Variants in GPRIN1 observed in about 807,000 individuals in gnomAD.
GPRIN1 encodes G protein-regulated inducer of neurite outgrowth 1.
In GPRIN1, 4 loss-of-function variants were observed where a neutral mutation model predicts 2.8. The observed-to-expected ratio is 1.45, with a 90% CI of 0.71 to 3.32. The LOEUF is 3.32. GPRIN1 is among the 30% of genes most tolerant of loss of function. The probability of loss-of-function intolerance (pLI) is 0.01; values close to 1 mark genes in which losing one functional copy is unlikely to be tolerated. For missense variants in GPRIN1, 1,322 were observed against 1,343.4 expected (o/e 0.98, Z 0.25); for synonymous variants, 589 against 589.9 (o/e 1.00, Z 0.02).
Position 176,598,103 on chromosome 5 carries a change from T to C in GPRIN1, c.1732A>G (p.Thr578Ala), listed in dbSNP as rs754977222. The C allele has an allele frequency of 6.2e-7, 1 of 1,613,220 alleles. No individual in the cohort carries two copies. Residue 578 changes from threonine to alanine, a missense_variant, in exon 2 of 2, where the codon ACT becomes GCT. By Grantham distance (58) the Thr-to-Ala change is moderately conservative. Around this residue, in one of 3 missense-constraint regions of GPRIN1, gnomAD observed 1,117 missense variants for 1,128.6 expected, o/e 0.99. Transcript: ENST00000303991. The part of the protein sequence containing the change: ...DSVSIGKVVS[T>A]PGKTVPVPSG... Reference sequence around the variant, plus strand: ...GGCACCGGGACTGTTTTTCCTGGAGTTGAGACCACTTTACCTATAGACACA... The same window carrying C: ...GGCACCGGGACTGTTTTTCCTGGAGCTGAGACCACTTTACCTATAGACACA...
rs1759040068 is a variant in GPRIN1, at chr5:176,596,732, G to T, written c.*76C>A. On this transcript the variant is annotated 3_prime_UTR_variant, in exon 2 of 2. Transcript: ENST00000303991. This position sits in a 1 kb window ranked among gnomAD's most constrained non-coding sequence, Gnocchi z 5.2. Reference sequence around the variant, plus strand: ...TCGGAGGCCTGTGGCACGCAGAGGGGACCCCTTCTAGGGGCCTGTGATCAA... The same window carrying T: ...TCGGAGGCCTGTGGCACGCAGAGGGTACCCCTTCTAGGGGCCTGTGATCAA... The T allele has an allele frequency of 8.8e-6, 11 of 1,247,976 alleles. No individual in the cohort carries two copies. In the East Asian group the frequency reaches 3.5e-4, roughly 40 times the overall value. The allele number at this position is 1,247,976 out of a possible 1,614,324, so 77.3% of individuals were successfully genotyped here. A position where few individuals can be genotyped will look rare whatever the true frequency, so the allele number is the denominator to read the frequency against.
rs371999271 is a variant in GPRIN1, at chr5:176,597,513, C to T, written c.2322G>A (p.Glu774=). 2.8e-5 allele frequency: 41 copies of T among 1,475,830 alleles called. No individual in the cohort carries two copies. The highest frequency in any genetic ancestry group is 3.3e-5 in the Non-Finnish European group (37 of 1,112,170). 91.4% of individuals were successfully genotyped at this position (1,475,830 alleles called of 1,614,324 possible). A position where few individuals can be genotyped will look rare whatever the true frequency, so the allele number is the denominator to read the frequency against. ...GQKDLEAAGA[E]RSPCPEAAAP... is the part of the protein sequence containing the mutation. ...CTGCGGCCTCTGGGCAGGGGCTTCT[C>T]TCGGCCCCAGCGGCTTCCAGGTCTT... The change falls in exon 2 of 2, where the codon GAG becomes GAA. Residue 774 remains glutamate, a synonymous_variant. Transcript: ENST00000303991. This position sits in a 1 kb window ranked among gnomAD's most constrained non-coding sequence, Gnocchi z 6.1.
intron 1 of GPRIN1, among the ~76,000 whole-genome samples, chr5:176,607,760 A>C (rs971939011): frequency 1.2e-4 from 18 of 147,820 alleles, no homozygotes; most frequent in African/African-American, 4.7e-4. Context: ...AGGGCACACA[A>C]CTGGGGCACA....
At chr5:176,605,373 C>T (rs1043193309) in intron 1 of GPRIN1, among the ~76,000 whole-genome samples, 19 of 152,230 alleles carry the variant, frequency 1.2e-4, no homozygotes, top group African/African-American at 4.3e-4. Flanking sequence ...CGATTACAGG[C>T]ATGGTCCACC....
Position 176,599,637 on chromosome 5 carries a change from G to A in GPRIN1, c.198C>T (p.Gly66=). ...PPRHTPDQSP[G]MESRHRSPSG... Reference sequence around the variant, plus strand: ...TGGGGCTTCTGTGTCTAGACTCCATGCCTGGGCTTTGGTCAGGGGTGTGCC... The same window carrying A: ...TGGGGCTTCTGTGTCTAGACTCCATACCTGGGCTTTGGTCAGGGGTGTGCC... The change falls in exon 2 of 2, where the codon GGC becomes GGT. Residue 66 remains glycine (G), a synonymous_variant. Transcript: ENST00000303991. 6.5e-7 allele frequency: 1 copy of A among 1,542,480 alleles called. No individual in the cohort carries two copies. The highest frequency in any genetic ancestry group is 8.7e-7 in the Non-Finnish European group (1 of 1,147,064).
At position 176,597,546 on chromosome 5, in the gene GPRIN1, G is replaced by A. The variant is rs773867925; in HGVS notation, c.2289C>T (p.Leu763=). 6.5e-7 allele frequency: 1 copy of A among 1,546,894 alleles called. No homozygotes were observed. The highest frequency in any genetic ancestry group is 8.7e-7 in the Non-Finnish European group (1 of 1,150,426). ...EPVSSTEASS[L]GQKDLEAAGA... ...CAGCGGCTTCCAGGTCTTTCTGGCC[G>A]AGACTGGAGGCCTCGGTGCTGGACA... Residue 763 remains leucine (L), a synonymous_variant, in exon 2 of 2, where the codon CTC becomes CTT. Coordinates refer to ENST00000303991, the MANE Select transcript of GPRIN1 (RefSeq NM_052899.3). The surrounding 1 kb of genome is among the most constrained non-coding windows in gnomAD (Gnocchi z 6.1).
At position 176,598,209 on chromosome 5, in the gene GPRIN1, C is replaced by A; in HGVS notation, c.1626G>T (p.Lys542Asn). ...SGKAAPTASG[K>N]AEPLAVGKED... ...CCTTGCCCACCGCGAGGGGCTCGGC[C>A]TTCCCTGAGGCTGTGGGAGCCGCCT... The change falls in exon 2 of 2, where the codon AAG (lysine) becomes AAT (asparagine). Residue 542 changes from lysine to asparagine, a missense_variant. Lys to Asn is a moderately conservative substitution (Grantham distance 94). This residue lies in a region of GPRIN1 where 1,117 missense variants were observed against 1,128.6 expected (regional missense o/e 0.99). Coordinates refer to ENST00000303991, the MANE Select transcript of GPRIN1 (RefSeq NM_052899.3). 2 of 1,612,714 alleles carry A rather than the reference C, an allele frequency of 1.2e-6. No individual in the cohort carries two copies. The highest frequency in any genetic ancestry group is 1.7e-6 in the Non-Finnish European group (2 of 1,180,002).
In GPRIN1 at chr5:176,599,317, G is replaced by A. The variant is rs1395575524; in HGVS notation, c.518C>T (p.Ser173Phe). The change falls in exon 2 of 2, where the codon TCC becomes TTC. Residue 173 changes from serine to phenylalanine, a missense_variant. Coordinates refer to ENST00000303991, the MANE Select transcript of GPRIN1 (RefSeq NM_052899.3). ...AAACATGGGATCTGCCTTCCGTGAGGACCCAGGATCCTCCTTTCCTATGGA... is the reference window on the plus strand; with the variant it reads ...AAACATGGGATCTGCCTTCCGTGAGAACCCAGGATCCTCCTTTCCTATGGA... ...STSIGKEDPGSSRKADPMFTG... is the reference protein window; with the variant it reads ...STSIGKEDPGFSRKADPMFTG... 3.1e-6 allele frequency: 5 copies of A among 1,614,082 alleles called. No individual in the cohort carries two copies. Among genetic ancestry groups the A allele is most frequent in the East Asian group, 2.2e-5 (1 of 44,898 alleles).
chr5:176,607,230 G>A (rs950331001), intron 1 of GPRIN1, among the ~76,000 whole-genome samples: 9 of 152,210 alleles, frequency 5.9e-5, no homozygotes, highest in Non-Finnish European at 8.8e-5. Context: ...TCTTGGGGAG[G>A]CCTGAGGATC....
chr5:176,610,104 G>C lies in GPRIN1; in HGVS notation c.-149C>G, dbSNP rs1003634847. The C allele has an allele frequency of 2.0e-5, 3 of 150,018 alleles. No homozygotes were observed. Among genetic ancestry groups the C allele is most frequent in the African/African-American group, 7.3e-5 (3 of 40,956 alleles). 9.3% of individuals were successfully genotyped at this position (150,018 alleles called of 1,614,324 possible). A position where few individuals can be genotyped will look rare whatever the true frequency, so the allele number is the denominator to read the frequency against. On this transcript the variant is annotated 5_prime_UTR_variant, in exon 1 of 2. Transcript: ENST00000303991. The stretch of plus-strand genomic sequence containing the variant: ...CGGCTGCCTCCGGCCGGGCTGGCGG[G>C]AGGACCCGCAGACTCGGCGCCGCCG...
chr5:176,597,215 C>T lies in GPRIN1; in HGVS notation c.2620G>A (p.Gly874Arg). 1 of 1,279,528 alleles carries T rather than the reference C, an allele frequency of 7.8e-7. No homozygotes were observed. The highest frequency in any genetic ancestry group is 3.1e-5 in the East Asian group (1 of 32,098). 79.3% of individuals were successfully genotyped at this position (1,279,528 alleles called of 1,614,324 possible). The change falls in exon 2 of 2, where the codon GGG becomes AGG. Residue 874 changes from glycine to arginine, a missense_variant. Coordinates refer to ENST00000303991, the MANE Select transcript of GPRIN1 (RefSeq NM_052899.3). The surrounding 1 kb of genome is among the most constrained non-coding windows in gnomAD (Gnocchi z 6.1). ...GCGGCGGCTTGAGGTGTCATGGGCC[C>T]AGTGGCCACGGAGCGCGTCTCGGCG... ...GAAETRSVATGPMTPQAAAPP... is the reference protein window; with the variant it reads ...GAAETRSVATRPMTPQAAAPP...
At chr5:176,609,447 G>A (rs533793752) in intron 1 of GPRIN1, among the ~76,000 whole-genome samples, 1 of 152,298 alleles carries the variant, frequency 6.6e-6, no homozygotes, top group Admixed American at 6.5e-5. Flanking sequence ...CGGTAGACCT[G>A]TGGCCTCACT....
In GPRIN1 at chr5:176,599,696, G is replaced by C; in HGVS notation, c.139C>G (p.Pro47Ala). The C allele has an allele frequency of 6.4e-7, 1 of 1,573,354 alleles. No homozygotes were observed. The highest frequency in any genetic ancestry group is 8.6e-7 in the Non-Finnish European group (1 of 1,157,938). ...AGSSAMRDYCPSQQKASPAPP... is the reference protein window; with the variant it reads ...AGSSAMRDYCASQQKASPAPP... ...GCAGGGCTTGCCTTTTGCTGGGAGGGGCAGTAATCCCTCATAGCCGAGCTG... is the reference window on the plus strand; with the variant it reads ...GCAGGGCTTGCCTTTTGCTGGGAGGCGCAGTAATCCCTCATAGCCGAGCTG... The change falls in exon 2 of 2, where the codon CCC (proline) becomes GCC (alanine). Residue 47 changes from proline to alanine, a missense_variant. Physicochemically the swap from Pro to Ala is conservative, Grantham distance 27. Around this residue, in one of 3 missense-constraint regions of GPRIN1, gnomAD observed 1,117 missense variants for 1,128.6 expected, o/e 0.99. Transcript: ENST00000303991.
At position 176,598,950 on chromosome 5, in the gene GPRIN1, T is replaced by A. The variant is rs930624626; in HGVS notation, c.885A>T (p.Gly295=). 1.2e-6 allele frequency: 2 copies of A among 1,614,042 alleles called. No individual in the cohort carries two copies. Among genetic ancestry groups the A allele is most frequent in the East Asian group, 4.5e-5 (2 of 44,890 alleles). ...TTTCCAAGGGCATGGGATCTGCCTT[T>A]CCCGAGGGCCCAGGATCTCTCTTTC... is the stretch of plus-strand genomic sequence containing the variant. ...LSGKRDPGPS[G]KADPMPLESM... is the part of the protein sequence containing the mutation. Residue 295 remains glycine (G), a synonymous_variant, in exon 2 of 2, where the codon GGA becomes GGT. Transcript: ENST00000303991.
chr5:176,595,845 A>C lies in GPRIN1; in HGVS notation c.*963T>G. The C allele has an allele frequency of 1.6e-6, 1 of 618,212 alleles. No homozygotes were observed. The allele number at this position is 618,212 out of a possible 1,614,324, so 38.3% of individuals were successfully genotyped here. On this transcript the variant is annotated 3_prime_UTR_variant, in exon 2 of 2. Coordinates refer to ENST00000303991, the MANE Select transcript of GPRIN1 (RefSeq NM_052899.3). The stretch of plus-strand genomic sequence containing the variant: ...ACCAATGTATACTGTGACAGTTTGT[A>C]GCCAAAAACTGCGGCTGGAGGGGTG...
chr5:176,599,081 C>G lies in GPRIN1; in HGVS notation c.754G>C (p.Val252Leu), dbSNP rs1382928993. The G allele has an allele frequency of 6.8e-6, 11 of 1,612,962 alleles. No homozygotes were observed. Among genetic ancestry groups the G allele is most frequent in the Non-Finnish European group, 9.3e-6 (11 of 1,179,210 alleles). The change falls in exon 2 of 2, where the codon GTA becomes CTA. Residue 252 changes from valine to leucine, a missense_variant. By Grantham distance (32) the Val-to-Leu change is conservative. This residue lies in a region of GPRIN1 where 1,117 missense variants were observed against 1,128.6 expected (regional missense o/e 0.99). Transcript: ENST00000303991. ...DPVSSDKVDP[V>L]FPRKEEPRYS... ...CTGGGCTCCTCCTTTCTTGGGAATACAGGGTCCACTTTGTCTGAGGACACA... is the reference window on the plus strand; with the variant it reads ...CTGGGCTCCTCCTTTCTTGGGAATAGAGGGTCCACTTTGTCTGAGGACACA...
chr5:176,596,713 G>T lies in GPRIN1; in HGVS notation c.*95C>A. ...CTAGAGGCTGCACAACCCCTCGGAG[G>T]CCTGTGGCACGCAGAGGGGACCCCT... On this transcript the variant is annotated 3_prime_UTR_variant, in exon 2 of 2. Coordinates refer to ENST00000303991, the MANE Select transcript of GPRIN1 (RefSeq NM_052899.3). The surrounding 1 kb of genome is among the most constrained non-coding windows in gnomAD (Gnocchi z 5.2). The T allele has an allele frequency of 9.4e-7, 1 of 1,068,000 alleles. No individual in the cohort carries two copies. Among genetic ancestry groups the T allele is most frequent in the Non-Finnish European group, 1.2e-6 (1 of 834,826 alleles). 66.2% of individuals were successfully genotyped at this position (1,068,000 alleles called of 1,614,324 possible).
In GPRIN1 at chr5:176,598,529, A is replaced by G; in HGVS notation, c.1306T>C (p.Ser436Pro). ...PMCSGKPELL[S>P]PGQAERVSVG... ...GACACACGCTCTGCCTGTCCAGGAG[A>G]CAAGAGCTCTGGCTTTCCTGAGCAC... Residue 436 changes from serine (S) to proline (P), a missense_variant, in exon 2 of 2, where the codon TCT becomes CCT. Ser to Pro is a moderately conservative substitution (Grantham distance 74, BLOSUM62 -1). Coordinates refer to ENST00000303991, the MANE Select transcript of GPRIN1 (RefSeq NM_052899.3). 6.2e-7 allele frequency: 1 copy of G among 1,614,052 alleles called. No homozygotes were observed. Among genetic ancestry groups the G allele is most frequent in the Non-Finnish European group, 8.5e-7 (1 of 1,180,022 alleles).
chr5:176,597,697 A>G lies in GPRIN1; in HGVS notation c.2138T>C (p.Leu713Pro), dbSNP rs1217817288. The G allele has an allele frequency of 1.3e-6, 2 of 1,594,468 alleles. No individual in the cohort carries two copies. The highest frequency in any genetic ancestry group is 2.2e-5 in the East Asian group (1 of 44,548). The change falls in exon 2 of 2, where the codon CTG becomes CCG. Residue 713 changes from leucine (L) to proline (P), a missense_variant. Transcript: ENST00000303991. This position sits in a 1 kb window ranked among gnomAD's most constrained non-coding sequence, Gnocchi z 6.1. ...GGACGGCTTGGTCTTCTCCAGACTCAGGGGGACCACCTTCCCCAAGGATGG... is the reference window on the plus strand; with the variant it reads ...GGACGGCTTGGTCTTCTCCAGACTCGGGGGGACCACCTTCCCCAAGGATGG... ...ESPSLGKVVPLSLEKTKPSSS... is the reference protein window; with the variant it reads ...ESPSLGKVVPPSLEKTKPSSS...
Sources: allele counts gnomAD v4.1 joint callset (sites outside exome capture counted in the v4.1 genomes callset), GRCh38; gene constraint gnomAD v4.1.1; regional missense constraint gnomAD v4.1.1; non-coding constraint Gnocchi (gnomAD v3.1); transcripts MANE v1.5; gene names NCBI Gene and HGNC (gene_info 2026-07-23, HGNC 2026-07-21).